FRMD4B: variants seen among roughly 807,000 people sequenced by gnomAD.
FRMD4B encodes the protein FERM domain-containing protein 4B.
Under a neutral mutation model 141.5 loss-of-function variants are expected in FRMD4B, and 74 were observed. That is an observed-to-expected ratio of 0.52 (90% CI 0.43 to 0.63). The LOEUF (loss-of-function observed/expected upper bound fraction) is 0.63, where lower values mean the gene tolerates loss of function less well. FRMD4B is among the 30% of genes least tolerant of loss of function. The pLI, the probability that FRMD4B is intolerant of heterozygous loss-of-function variation, is 0.00. For synonymous variants in FRMD4B, 506 were observed against 467.9 expected (o/e 1.08, Z -1.05); for missense variants, 1,366 against 1,253.4 (o/e 1.09, Z -1.36).
chr3:69,224,948 T>C (rs2093236182), intron 7 of FRMD4B, among the ~76,000 whole-genome samples: 1 of 152,222 alleles, frequency 6.6e-6, no homozygotes, highest in Non-Finnish European at 1.5e-5. Context: ...TTTTTCACAT[T>C]GTATTTTTAC....
intron 1 of FRMD4B, among the ~76,000 whole-genome samples, chr3:69,335,428 A>G (rs755820784): frequency 7.1e-6 from 1 of 141,710 alleles, no homozygotes; most frequent in Non-Finnish European, 1.5e-5. Context: ...GCTGGAGTGC[A>G]GTGGCACGAT....
upstream of FRMD4B, among the ~76,000 whole-genome samples, chr3:69,391,072 G>A (rs1308770710): frequency 2.0e-5 from 3 of 151,738 alleles, no homozygotes; most frequent in African/African-American, 7.3e-5. Flanking sequence ...CCACAATTTC[G>A]AATATAATGA....
intron 1 of FRMD4B, among the ~76,000 whole-genome samples, chr3:69,377,528 C>G (rs988418015): frequency 1.3e-5 from 2 of 152,202 alleles, no homozygotes; most frequent in African/African-American, 4.8e-5. Flanking sequence ...GTTGCCCAAA[C>G]TTATTTCCCC....
At chr3:69,244,737 T>C (rs1302559784) in intron 7 of FRMD4B, among the ~76,000 whole-genome samples, 1 of 151,880 alleles carries the variant, frequency 6.6e-6, no homozygotes, top group African/African-American at 2.4e-5. Flanking sequence ...CTACTAAAAA[T>C]ACAAAAATTA....
At chr3:69,512,113 G>C (rs1559550065) in intron 1 of FRMD4B, among the ~76,000 whole-genome samples, 3 of 152,194 alleles carry the variant, frequency 2.0e-5, no homozygotes, top group Admixed American at 6.5e-5. Flanking sequence ...AAGCAAGAGA[G>C]AGAAGAAGCT....
intron 1 of FRMD4B, among the ~76,000 whole-genome samples, chr3:69,482,184 C>G (rs886686540): frequency 1.3e-5 from 2 of 152,166 alleles, no homozygotes; most frequent in African/African-American, 2.4e-5. Context: ...ATGCCCCAAT[C>G]TAATTCCTTA....
chr3:69,469,728 T>C (rs954123196), intron 1 of FRMD4B, among the ~76,000 whole-genome samples: 1 of 152,212 alleles, frequency 6.6e-6, no homozygotes, highest in African/African-American at 2.4e-5. Flanking sequence ...AGAAAAATGA[T>C]AGTGCTAAGA....
At chr3:69,397,159 T>C (rs530729516) in intron 2 of FRMD4B, among the ~76,000 whole-genome samples, 1 of 152,308 alleles carries the variant, frequency 6.6e-6, no homozygotes, top group East Asian at 1.9e-4. Context: ...TATACGTATA[T>C]GACGGAATAC....
chr3:69,504,542 C>A (rs1222569770), intron 1 of FRMD4B, among the ~76,000 whole-genome samples: 3 of 152,186 alleles, frequency 2.0e-5, no homozygotes, highest in Non-Finnish European at 2.9e-5. Context: ...CTATTCTGGG[C>A]ATTTCATATA....
At chr3:69,251,656 C>G (rs936790974) in intron 5 of FRMD4B, among the ~76,000 whole-genome samples, 1 of 152,222 alleles carries the variant, frequency 6.6e-6, no homozygotes. Context: ...GCCTCAAAAG[C>G]TGACAGGCCC....
intron 7 of FRMD4B, among the ~76,000 whole-genome samples, chr3:69,226,581 G>T (rs1274005114): frequency 6.6e-6 from 1 of 152,012 alleles, no homozygotes; most frequent in Non-Finnish European, 1.5e-5. Flanking sequence ...CATGCATGTT[G>T]TTATTTCTGG....
chr3:69,264,436 A>C (rs2093547965), intron 5 of FRMD4B, among the ~76,000 whole-genome samples: 1 of 152,118 alleles, frequency 6.6e-6, no homozygotes, highest in Non-Finnish European at 1.5e-5. Context: ...TTTCTTTTTA[A>C]AAAGGGAATG....
chr3:69,301,700 G>T (rs1701224252), intron 4 of FRMD4B, among the ~76,000 whole-genome samples: 1 of 152,190 alleles, frequency 6.6e-6, no homozygotes, highest in Non-Finnish European at 1.5e-5. Flanking sequence ...TCATGAGATG[G>T]ATTTGAGAAA....
At chr3:69,541,796 C>CCCCG (rs1392534890) in intron 1 of FRMD4B, among the ~76,000 whole-genome samples, 2 of 151,418 alleles carry the variant, frequency 1.3e-5, no homozygotes, top group South Asian at 2.1e-4. Flanking sequence ...ATTTCCCCCC[C>CCCCG]CTCTTTTCGC....
At chr3:69,342,119 G>A (rs544224166) in intron 1 of FRMD4B, among the ~76,000 whole-genome samples, 2 of 152,292 alleles carry the variant, frequency 1.3e-5, no homozygotes, top group East Asian at 3.9e-4. Flanking sequence ...TAGGCAAAAT[G>A]TGTTAATGAG....
At chr3:69,202,937 T>C (rs142764196) in intron 11 of FRMD4B, among the ~76,000 whole-genome samples, 2 of 152,226 alleles carry the variant, frequency 1.3e-5, no homozygotes, top group African/African-American at 2.4e-5. Context: ...GGAGAATATC[T>C]TAAGGTTACA....
At chr3:69,501,975 G>T (rs9842964) in intron 1 of FRMD4B, among the ~76,000 whole-genome samples, 50,182 of 151,888 alleles carry the variant, frequency 0.33, 8,462 homozygotes, top group African/African-American at 0.38. Context: ...AACTTACAAG[G>T]GATATGAAGG....
intron 5 of FRMD4B, among the ~76,000 whole-genome samples, chr3:69,269,310 A>C (rs1003188833): frequency 5.9e-5 from 9 of 151,860 alleles, no homozygotes; most frequent in African/African-American, 1.9e-4. Context: ...ACATTTATTA[A>C]GTGCTTATTA....
intron 3 of FRMD4B, among the ~76,000 whole-genome samples, chr3:69,309,314 T>A (rs941165136): frequency 2.0e-4 from 30 of 150,184 alleles, no homozygotes; most frequent in African/African-American, 7.3e-4. Context: ...ATTTTTTTTT[T>A]TTTTTTCGTA....
Sources: gnomAD v4.1 joint callset for allele counts (sites outside exome capture counted in the v4.1 genomes callset) on GRCh38, gnomAD v4.1.1 for gene constraint, MANE v1.5 for transcripts, NCBI Gene and HGNC (gene_info 2026-07-23, HGNC 2026-07-21) for gene names.